The following ATF2 variants were observed in gnomAD, a reference collection of about 807,000 sequenced individuals.
ATF2 encodes the protein activating transcription factor 2, also known as cyclic AMP-dependent transcription factor ATF-2.
A neutral mutation model predicts 60.6 loss-of-function variants in ATF2; 24 were observed. The ratio of observed to expected loss-of-function variants is 0.40; its 90% CI spans 0.29 to 0.56. The LOEUF (loss-of-function observed/expected upper bound fraction) is 0.56. Ranked by LOEUF, ATF2 falls within the 20% of genes least tolerant of loss-of-function variation. ATF2 has a pLI of 0.54. For synonymous variants in ATF2, 206 were observed against 215.4 expected (o/e 0.96, Z 0.38); for missense variants, 433 against 607.7 (o/e 0.71, Z 3.02).
intron 13 of ATF2, among the ~76,000 whole-genome samples, chr2:175,078,073 T>G (rs1202862156): frequency 1.3e-5 from 2 of 152,212 alleles, no homozygotes; most frequent in African/African-American, 4.8e-5. Flanking sequence ...GCTCAAGTGA[T>G]CCTCTTGCCT....
At chr2:175,154,482 TA>T (rs937925664) in intron 1 of ATF2, among the ~76,000 whole-genome samples, 266 of 151,478 alleles carry the variant, frequency 1.8e-3, no homozygotes, top group African/African-American at 6.2e-3. Context: ...AACTTTTTTT[TA>T]AAAAAAAGTA....
chr2:175,156,891 T>C (rs1374483287), intron 1 of ATF2, among the ~76,000 whole-genome samples: 1 of 152,114 alleles, frequency 6.6e-6, no homozygotes, highest in Non-Finnish European at 1.5e-5. Context: ...AAACAGAAAA[T>C]TAATACGGTA....
At chr2:175,141,009 AAAAAAAAAAAAAAAAAAAAAAATAT>A (rs1290239744) in intron 2 of ATF2, among the ~76,000 whole-genome samples, 6 of 89,042 alleles carry the variant, frequency 6.7e-5, no homozygotes, top group South Asian at 3.5e-4. Context: ...GAAAAAAAAA[AAAAAAAAAAAAAAAAAAAAAAATAT>A]ATATATATAT....
At chr2:175,152,630 A>G (rs1286257417) in intron 1 of ATF2, among the ~76,000 whole-genome samples, 7 of 152,228 alleles carry the variant, frequency 4.6e-5, no homozygotes, top group Non-Finnish European at 8.8e-5. Flanking sequence ...GAAGGGTTGC[A>G]CTTAACTTTG....
chr2:175,109,809 A>C (rs1355418474), intron 10 of ATF2, among the ~76,000 whole-genome samples: 2 of 152,218 alleles, frequency 1.3e-5, no homozygotes, highest in Admixed American at 1.3e-4. Flanking sequence ...CTCTTCTGCT[A>C]TCAAGTGAAG....
At chr2:175,146,955 A>G (rs1699003869) in intron 2 of ATF2, among the ~76,000 whole-genome samples, 1 of 152,166 alleles carries the variant, frequency 6.6e-6, no homozygotes, top group Non-Finnish European at 1.5e-5. Flanking sequence ...TGAAAAAAAC[A>G]CTACAAGATA....
intron 5 of ATF2, among the ~76,000 whole-genome samples, chr2:175,119,073 A>G (rs1162166861): frequency 1.3e-5 from 2 of 151,640 alleles, no homozygotes; most frequent in African/African-American, 2.4e-5. Flanking sequence ...AAACATTTCA[A>G]CTTTACTCGA....
chr2:175,161,905 C>A (rs1296735786), intron 1 of ATF2, among the ~76,000 whole-genome samples: 1 of 152,094 alleles, frequency 6.6e-6, no homozygotes, highest in Non-Finnish European at 1.5e-5. Flanking sequence ...AGATTACAGG[C>A]ACCCGCCATC....
chr2:175,127,766 T>G (rs2105738983), intron 4 of ATF2, among the ~76,000 whole-genome samples: 1 of 152,310 alleles, frequency 6.6e-6, no homozygotes, highest in East Asian at 1.9e-4. Flanking sequence ...AGGTCTTTGT[T>G]CAAATGTCAC....
chr2:175,094,930 A>C (rs893921730), intron 11 of ATF2, among the ~76,000 whole-genome samples: 1 of 152,160 alleles, frequency 6.6e-6, no homozygotes, highest in Non-Finnish European at 1.5e-5. Flanking sequence ...CAACAGAGGA[A>C]GATCCCGTCT....
rs534109710 is a variant in ATF2 at position 175,147,175 on chromosome 2, GA to G, written c.-44+3884del. 5.3e-4 allele frequency among the ~76,000 whole-genome samples: 80 copies of G among 152,248 alleles called. 1 individual carries two copies. The highest frequency in any genetic ancestry group is 2.6e-3 in the Admixed American group (39 of 15,288). ...GCTCCTTGTTCCCTTTTTAAAATAT[GA>G]CATGTAGGTTAAGTCTGTTGAGGAA... is the stretch of plus-strand genomic sequence containing the variant. On this transcript the variant is annotated intron_variant, in intron 2 of 13. Transcript: ENST00000264110.
At chr2:175,077,531 T>C (rs1425665323) in intron 13 of ATF2, among the ~76,000 whole-genome samples, 1 of 152,168 alleles carries the variant, frequency 6.6e-6, no homozygotes, top group African/African-American at 2.4e-5. Flanking sequence ...CAGGCTGACG[T>C]TTCCCTGAAT....
intron 6 of ATF2, 58 bp from the exon 7 acceptor site, chr2:175,118,176 A>T: frequency 6.3e-7 from 1 of 1,594,112 alleles, no homozygotes; most frequent in Non-Finnish European, 8.5e-7. Flanking sequence ...GTCTAAATTT[A>T]AAAAGCAGGA....
intron 1 of ATF2, among the ~76,000 whole-genome samples, chr2:175,162,471 T>C (rs1700089756): frequency 6.6e-6 from 1 of 152,262 alleles, no homozygotes; most frequent in Non-Finnish European, 1.5e-5. Context: ...GAAACATTTA[T>C]ATCCTTTGAC....
At chr2:175,167,805 A>G in intron 1 of ATF2, 1 of 443,798 alleles carries the variant, frequency 2.3e-6, no homozygotes, top group Non-Finnish European at 4.8e-6. Flanking sequence ...GGGCCGGAAC[A>G]ACGAACGCTG....
At chr2:175,107,141 A>G (rs1426957734) in intron 10 of ATF2, among the ~76,000 whole-genome samples, 1 of 152,132 alleles carries the variant, frequency 6.6e-6, no homozygotes, top group Non-Finnish European at 1.5e-5. Context: ...TCAATCAATA[A>G]AAGAAAAACA....
chr2:175,097,733 T>C (rs1695030408), intron 10 of ATF2, 140 bp from the exon 11 acceptor site: 2 of 879,608 alleles, frequency 2.3e-6, no homozygotes, highest in South Asian at 3.5e-5. Flanking sequence ...TATTTTGCTG[T>C]TCCTAGTGAA....
chr2:175,112,559 T>C (rs1696271947), intron 9 of ATF2, among the ~76,000 whole-genome samples: 1 of 152,214 alleles, frequency 6.6e-6, no homozygotes, highest in African/African-American at 2.4e-5. Context: ...GGAATGTTAC[T>C]ATAAGTAAGC....
At chr2:175,077,759 A>G (rs146740873) in intron 13 of ATF2, among the ~76,000 whole-genome samples, 1 of 152,328 alleles carries the variant, frequency 6.6e-6, no homozygotes, top group East Asian at 1.9e-4. Flanking sequence ...TATAAACCTT[A>G]CATACACATC....
Sources: gnomAD v4.1 joint callset for allele counts (sites outside exome capture counted in the v4.1 genomes callset) on GRCh38, gnomAD v4.1.1 for gene constraint, MANE v1.5 for transcripts, NCBI Gene and HGNC (gene_info 2026-07-23, HGNC 2026-07-21) for gene names.